The following RAP1GAP2 variants were observed in gnomAD, a reference collection of about 807,000 sequenced individuals.
The protein encoded by RAP1GAP2 is RAP1 GTPase activating protein 2, also known as rap1 GTPase-activating protein 2.
In RAP1GAP2, 27 loss-of-function variants were observed where a neutral mutation model predicts 95.0. The observed-to-expected ratio is 0.28, with a 90% CI of 0.21 to 0.39. The LOEUF (loss-of-function observed/expected upper bound fraction) is 0.39. Ranked by LOEUF, RAP1GAP2 falls within the 10% of genes least tolerant of loss-of-function variation. The probability of loss-of-function intolerance (pLI) is 1.00; values close to 1 mark genes in which losing one functional copy is unlikely to be tolerated. For synonymous variants in RAP1GAP2, 373 were observed against 380.9 expected, an observed-to-expected ratio of 0.98 and a Z score of 0.24; for missense variants, 771 against 970.0, an observed-to-expected ratio of 0.79 and a Z score of 2.72.
intron 2 of RAP1GAP2, among the ~76,000 whole-genome samples, chr17:2,842,612 T>A (rs74455701): frequency 6.0e-5 from 9 of 148,862 alleles, no homozygotes; most frequent in Admixed American, 6.7e-5. Context: ...AGCCCTCCCC[T>A]CCCTAGAGTT....
At chr17:2,962,749 C>T (rs1315431118) in intron 5 of RAP1GAP2, 35 bp downstream of exon 5, 4 of 1,565,100 alleles carry the variant, frequency 2.6e-6, no homozygotes, top group South Asian at 1.2e-5. Context: ...GCCAGACGGC[C>T]CTGGTGAGGG....
At chr17:2,894,651 T>C (rs1411876837) in intron 2 of RAP1GAP2, among the ~76,000 whole-genome samples, 1 of 152,140 alleles carries the variant, frequency 6.6e-6, no homozygotes, top group African/African-American at 2.4e-5. Context: ...AAAGCGACTC[T>C]CCTCCTCCGT....
At chr17:2,850,611 A>G (rs7225053) in intron 2 of RAP1GAP2, among the ~76,000 whole-genome samples, 123,506 of 149,978 alleles carry the variant, frequency 0.82, 50,872 homozygotes, top group Non-Finnish European at 0.84. Flanking sequence ...CTAGCCGGGC[A>G]TGGTGGCGGG....
At position 2,832,431 on chromosome 17, in the gene RAP1GAP2, A is replaced by G. The variant is rs763540741; in HGVS notation, c.80+31881A>G. ...AAATTACCCAGGTGTTGTGGCGGGC[A>G]CCTGTAGTCCCAGCTACTCGGGAGG... On this transcript the variant is annotated intron_variant, in intron 2 of 24. Transcript: ENST00000254695. Among the ~76,000 whole-genome samples the G allele has an allele frequency of 2.9e-3, 405 of 138,354 alleles. 1 individual carries two copies. Among genetic ancestry groups the G allele is most frequent in the African/African-American group, 9.1e-3 (341 of 37,418 alleles). The allele number at this position is 138,354 out of a possible 152,430, so 90.8% of individuals were successfully genotyped here. A position where few individuals can be genotyped will look rare whatever the true frequency, so the allele number is the denominator to read the frequency against.
At chr17:2,818,411 G>A (rs1597368044) in intron 2 of RAP1GAP2, among the ~76,000 whole-genome samples, 3 of 150,928 alleles carry the variant, frequency 2.0e-5, no homozygotes, top group Admixed American at 6.6e-5. Context: ...TGCAACCTCC[G>A]CCTCCCGGTT....
intron 13 of RAP1GAP2, among the ~76,000 whole-genome samples, chr17:2,997,609 A>AT (rs747483350): frequency 1.6e-4 from 23 of 146,764 alleles, no homozygotes; most frequent in Admixed American, 4.8e-4. Flanking sequence ...CATCTTCCCC[A>AT]TTTTTTTTTT....
In RAP1GAP2 at chr17:2,870,398, T is replaced by C. The variant is rs1334581882; in HGVS notation, c.81-34886T>C. On this transcript the variant is annotated intron_variant, in intron 2 of 24. Coordinates refer to ENST00000254695, the MANE Select transcript of RAP1GAP2 (RefSeq NM_015085.5). This position sits in a 1 kb window ranked among gnomAD's most constrained non-coding sequence, Gnocchi z 4.4. ...TCCCAAAGTGCTGGGATTACAGGCA[T>C]GAGCCACCGTGCCCTGCCTGACAAT... Among the ~76,000 whole-genome samples the C allele has an allele frequency of 1.3e-5, 2 of 152,148 alleles. No homozygotes were observed. Among genetic ancestry groups the C allele is most frequent in the Non-Finnish European group, 2.9e-5 (2 of 68,020 alleles).
At chr17:2,917,032 G>C (rs1286284297) in intron 3 of RAP1GAP2, among the ~76,000 whole-genome samples, 1 of 152,174 alleles carries the variant, frequency 6.6e-6, no homozygotes, top group African/African-American at 2.4e-5. Context: ...TGGGTTCGTA[G>C]AATTCTCTTT....
At chr17:2,881,216 G>C (rs941481431) in intron 2 of RAP1GAP2, among the ~76,000 whole-genome samples, 4 of 151,560 alleles carry the variant, frequency 2.6e-5, no homozygotes, top group Non-Finnish European at 5.9e-5. Flanking sequence ...AGCCGAGATC[G>C]TGCCACTGCA....
chr17:2,897,757 G>A (rs2041886405), intron 2 of RAP1GAP2, among the ~76,000 whole-genome samples: 2 of 152,014 alleles, frequency 1.3e-5, no homozygotes, highest in African/African-American at 4.8e-5. Context: ...CTCACTGTGG[G>A]GTTTGGGCGG....
intron 2 of RAP1GAP2, among the ~76,000 whole-genome samples, chr17:2,841,054 C>T (rs933192862): frequency 6.6e-6 from 1 of 151,508 alleles, no homozygotes; most frequent in Admixed American, 6.6e-5. Context: ...GCTTGGGAAG[C>T]TGAGGCAGGA....
At position 2,857,007 on chromosome 17, in the gene RAP1GAP2, G is replaced by A. The variant is rs2072166846; in HGVS notation, c.81-48277G>A. ...ATTGACCCTTGCTCTGCAGGTGCTG[G>A]TGGCCACGGGAGGCCTGGAGCAGGC... On this transcript the variant is annotated intron_variant, in intron 2 of 24. Transcript: ENST00000254695. The surrounding 1 kb of genome is among the most constrained non-coding windows in gnomAD (Gnocchi z 4.0). Among the ~76,000 whole-genome samples, 1 of 152,206 alleles carries A rather than the reference G, an allele frequency of 6.6e-6. No individual in the cohort carries two copies. Among genetic ancestry groups the A allele is most frequent in the African/African-American group, 2.4e-5 (1 of 41,450 alleles).
At chr17:3,022,288 A>C (rs553236546) in intron 19 of RAP1GAP2, among the ~76,000 whole-genome samples, 22 of 152,236 alleles carry the variant, frequency 1.4e-4, no homozygotes, top group Non-Finnish European at 2.6e-4. Flanking sequence ...ATATGGAGAA[A>C]TGGGAACCCT....
At position 2,886,493 on chromosome 17, in the gene RAP1GAP2, T is replaced by C. The variant is rs117775447; in HGVS notation, c.81-18791T>C. ...CGGCCATATGTATTTATATTTACAATAAAAATTTAAAAATCAGAAAACAGA... is the reference window on the plus strand; with the variant it reads ...CGGCCATATGTATTTATATTTACAACAAAAATTTAAAAATCAGAAAACAGA... On this transcript the variant is annotated intron_variant, in intron 2 of 24. Coordinates refer to ENST00000254695, the MANE Select transcript of RAP1GAP2 (RefSeq NM_015085.5). Among the ~76,000 whole-genome samples the C allele has an allele frequency of 8.9e-3, 1,349 of 152,222 alleles. 16 individuals are homozygous for C. The highest frequency in any genetic ancestry group is 0.014 in the Non-Finnish European group (942 of 68,014).
At chr17:2,796,243 C>A (rs1320401369), upstream of RAP1GAP2, among the ~76,000 whole-genome samples, 1 of 152,168 alleles carries the variant, frequency 6.6e-6, no homozygotes, top group East Asian at 1.9e-4. The surrounding 1 kb of genome is among the most constrained non-coding windows in gnomAD (Gnocchi z 4.7). Context: ...GAGCAATCTG[C>A]CAGCCGAGCC....
At chr17:2,964,209 G>A (rs994420618) in intron 7 of RAP1GAP2, 141 bp downstream of exon 7, 4 of 724,182 alleles carry the variant, frequency 5.5e-6, no homozygotes, top group South Asian at 1.9e-5. Flanking sequence ...GCCAGGGGTG[G>A]GGGTGAGGCT....
At chr17:2,933,466 A>G (rs1002578952) in intron 3 of RAP1GAP2, among the ~76,000 whole-genome samples, 1 of 152,198 alleles carries the variant, frequency 6.6e-6, no homozygotes, top group African/African-American at 2.4e-5. Flanking sequence ...GGGACAAGGA[A>G]GCTTGGAGCG....
At chr17:2,921,045 T>G (rs2042749077) in intron 3 of RAP1GAP2, among the ~76,000 whole-genome samples, 1 of 152,164 alleles carries the variant, frequency 6.6e-6, no homozygotes. Flanking sequence ...TCCCGCTGGC[T>G]TCTTCTCCCG....
intron 3 of RAP1GAP2, among the ~76,000 whole-genome samples, chr17:2,930,976 A>C (rs2151792100): frequency 6.6e-6 from 1 of 152,132 alleles, no homozygotes; most frequent in South Asian, 2.1e-4. Context: ...ATACAAAAAA[A>C]CTAGCCAGGC....
Sources: gnomAD v4.1 joint callset for allele counts (sites outside exome capture counted in the v4.1 genomes callset) on GRCh38, gnomAD v4.1.1 for gene constraint, Gnocchi (gnomAD v3.1) non-coding constraint, MANE v1.5 for transcripts, NCBI Gene and HGNC (gene_info 2026-07-23, HGNC 2026-07-21) for gene names.